XRRA1: variants seen among roughly 807,000 people sequenced by gnomAD.
The protein encoded by XRRA1 is X-ray radiation resistance associated 1.
Under a neutral mutation model 80.2 loss-of-function variants are expected in XRRA1, and 69 were observed. The ratio of observed to expected loss-of-function variants is 0.86; its 90% CI spans 0.71 to 1.05. The LOEUF (loss-of-function observed/expected upper bound fraction) is 1.05, where lower values mean the gene tolerates loss of function less well. Among genes scored for constraint, XRRA1 ranks in the 50% least tolerant of loss-of-function variants. XRRA1 has a pLI of 0.00. For synonymous variants in XRRA1, 348 were observed against 389.9 expected (o/e 0.89, Z 1.27); for missense variants, 967 against 976.4 (o/e 0.99, Z 0.13).
chr11:74,891,319 T>C (rs906044824), intron 10 of XRRA1, among the ~76,000 whole-genome samples: 1 of 152,168 alleles, frequency 6.6e-6, no homozygotes, highest in Non-Finnish European at 1.5e-5. Context: ...ATTATCTCAA[T>C]AGATGCAGAA....
At chr11:74,857,804 G>C (rs2041463425) in intron 12 of XRRA1, among the ~76,000 whole-genome samples, 1 of 152,018 alleles carries the variant, frequency 6.6e-6, no homozygotes, top group African/African-American at 2.4e-5. Flanking sequence ...ATAAATACAA[G>C]ACACCTAGAA....
intron 2 of XRRA1, among the ~76,000 whole-genome samples, chr11:74,944,741 G>A (rs576759094): frequency 2.0e-5 from 3 of 152,246 alleles, no homozygotes; most frequent in East Asian, 1.9e-4. Flanking sequence ...TAGAGCCTAC[G>A]ACTCACTAAA....
chr11:74,881,418 A>G (rs1391016775), intron 10 of XRRA1, among the ~76,000 whole-genome samples: 2 of 150,466 alleles, frequency 1.3e-5, no homozygotes, highest in African/African-American at 2.5e-5. Context: ...TCTTTATCCA[A>G]TTTGCCAGTC....
chr11:74,921,542 C>A (rs935758092), intron 7 of XRRA1, among the ~76,000 whole-genome samples, 195 bp from the exon 8 acceptor site: 1 of 152,144 alleles, frequency 6.6e-6, no homozygotes, highest in African/African-American at 2.4e-5. Flanking sequence ...CACTACAAAT[C>A]TTTGTTTATC....
intron 10 of XRRA1, among the ~76,000 whole-genome samples, chr11:74,881,148 G>A (rs2047461136): frequency 6.7e-6 from 1 of 149,112 alleles, no homozygotes; most frequent in Admixed American, 6.7e-5. Flanking sequence ...TGGTGCTCCT[G>A]TATTGGGTGC....
chr11:74,938,282 T>C (rs1945508383), intron 3 of XRRA1, among the ~76,000 whole-genome samples: 2 of 152,186 alleles, frequency 1.3e-5, no homozygotes, highest in South Asian at 4.1e-4. Flanking sequence ...ATTTCCATTA[T>C]GGGCCTGATA....
intron 10 of XRRA1, among the ~76,000 whole-genome samples, chr11:74,890,273 A>C (rs1339436142): frequency 6.6e-6 from 1 of 152,232 alleles, no homozygotes; most frequent in Non-Finnish European, 1.5e-5. Context: ...AACTACATGG[A>C]AACTGAACAA....
At chr11:74,857,471 T>C (rs1484919789) in intron 12 of XRRA1, among the ~76,000 whole-genome samples, 1 of 152,038 alleles carries the variant, frequency 6.6e-6, no homozygotes, top group African/African-American at 2.4e-5. Context: ...TCAAAATACA[T>C]GGAGTAAAAG....
At position 74,927,421 on chromosome 11, in the gene XRRA1, GTAGA is replaced by G; in HGVS notation, c.488_491del (p.Ile163ThrfsTer2). ...ATAACTTAAAGTCTCCATATTTCAC[GTAGA>G]TAGTTTTGATGCCATTAAATGCGAG... is the stretch of plus-strand genomic sequence containing the variant. On this transcript the variant is annotated frameshift_variant, in exon 7 of 19. Coordinates refer to ENST00000684022, the MANE Select transcript of XRRA1 (RefSeq NM_001378157.1). LOFTEE classifies it high-confidence loss of function. 2 of 1,613,030 alleles carry G rather than the reference GTAGA, an allele frequency of 1.2e-6. No homozygotes were observed. Among genetic ancestry groups the G allele is most frequent in the Non-Finnish European group, 1.7e-6 (2 of 1,179,070 alleles).
intron 17 of XRRA1, 37 bp downstream of exon 17, chr11:74,844,131 A>C: frequency 6.3e-7 from 1 of 1,585,650 alleles, no homozygotes; most frequent in Non-Finnish European, 8.7e-7. Flanking sequence ...GGCGGTACTC[A>C]GGGGCCATTT....
At position 74,897,553 on chromosome 11, in the gene XRRA1, C is replaced by T. The variant is rs547763218; in HGVS notation, c.1003+8686G>A. ...AGATTTAAGCCTAAGAAGCCTACTT[C>T]AAGGCATTTAATCAAATTCCCAAAG... On this transcript the variant is annotated intron_variant, in intron 10 of 18. Coordinates refer to ENST00000684022, the MANE Select transcript of XRRA1 (RefSeq NM_001378157.1). Among the ~76,000 whole-genome samples the T allele has an allele frequency of 4.6e-5, 7 of 152,026 alleles. No homozygotes were observed. In the East Asian group the frequency reaches 9.7e-4, roughly 21 times the overall value.
rs545516388 is a variant in XRRA1, at chr11:74,937,759, G to A, written c.95-691C>T. The stretch of plus-strand genomic sequence containing the variant: ...TTCTCGCACCAGCAGTTTACTTGCT[G>A]TGTGGTATTCATTGCAATCTGTAAT... On this transcript the variant is annotated intron_variant, in intron 3 of 18. Transcript: ENST00000684022. 2.0e-5 allele frequency among the ~76,000 whole-genome samples: 3 copies of A among 152,350 alleles called. No homozygotes were observed. In the East Asian group the frequency reaches 5.8e-4, roughly 29 times the overall value.
chr11:74,948,294 G>A (rs965211613), intron 1 of XRRA1, among the ~76,000 whole-genome samples: 6 of 150,058 alleles, frequency 4.0e-5, no homozygotes, highest in African/African-American at 1.2e-4. Flanking sequence ...CCCTGTATCC[G>A]TTAGTACAAT....
Position 74,906,346 on chromosome 11 carries a change from T to C in XRRA1, c.896A>G (p.His299Arg), listed in dbSNP as rs368433804. The change falls in exon 10 of 19, where the codon CAT becomes CGT. Residue 299 changes from histidine to arginine, a missense_variant. Physicochemically the swap from His to Arg is conservative, Grantham distance 29. Transcript: ENST00000684022. ...VDWNGGRGSPHKEPQFMLQSK... is the reference protein window; with the variant it reads ...VDWNGGRGSPRKEPQFMLQSK... ...CTGCAGCATGAATTGGGGCTCTTTA[T>C]GGGGACTTCCCCTGCCTCCATTCCA... 44 of 1,613,918 alleles carry C rather than the reference T, an allele frequency of 2.7e-5. No homozygotes were observed. The highest frequency in any genetic ancestry group is 1.6e-4 in the Middle Eastern group (1 of 6,080).
chr11:74,924,390 C>T (rs1591462319), intron 7 of XRRA1, among the ~76,000 whole-genome samples: 2 of 150,370 alleles, frequency 1.3e-5, no homozygotes, highest in African/African-American at 2.4e-5. Flanking sequence ...AGGAGAATGG[C>T]GTGAACCCGG....
At chr11:74,946,753 T>C (rs1435226630) in intron 1 of XRRA1, among the ~76,000 whole-genome samples, 1 of 151,044 alleles carries the variant, frequency 6.6e-6, no homozygotes, top group Non-Finnish European at 1.5e-5. Flanking sequence ...TACCTCTTTT[T>C]CTTTTTTTTT....
intron 10 of XRRA1, among the ~76,000 whole-genome samples, chr11:74,894,833 T>A (rs1011709814): frequency 2.6e-5 from 4 of 152,126 alleles, no homozygotes; most frequent in Admixed American, 2.6e-4. Context: ...TAGATAAAAT[T>A]AACATAGGTA....
chr11:74,942,910 T>C (rs1946623078), intron 2 of XRRA1, among the ~76,000 whole-genome samples: 1 of 152,090 alleles, frequency 6.6e-6, no homozygotes, highest in Non-Finnish European at 1.5e-5. Context: ...AGGCTGACAA[T>C]GCAGGAGAGA....
intron 16 of XRRA1, among the ~76,000 whole-genome samples, chr11:74,844,736 A>G (rs543332380): frequency 1.3e-5 from 2 of 152,332 alleles, no homozygotes; most frequent in East Asian, 3.9e-4. Context: ...TGGGCTGGGA[A>G]AAGCTCAAGA....
Sources: gnomAD v4.1 joint callset for allele counts (sites outside exome capture counted in the v4.1 genomes callset) on GRCh38, gnomAD v4.1.1 for gene constraint, MANE v1.5 for transcripts, NCBI Gene and HGNC (gene_info 2026-07-23, HGNC 2026-07-21) for gene names.